The following CFAP206 variants were observed in gnomAD, a reference collection of about 807,000 sequenced individuals.
CFAP206 encodes the protein cilia and flagella associated protein 206, also known as cilia- and flagella-associated protein 206.
A neutral mutation model predicts 65.4 loss-of-function variants in CFAP206; 53 were observed. The observed-to-expected ratio is 0.81, with a 90% CI of 0.65 to 1.02. The LOEUF (loss-of-function observed/expected upper bound fraction) is 1.02. CFAP206 is among the 50% of genes least tolerant of loss of function. The probability of loss-of-function intolerance (pLI) is 0.00; values close to 1 mark genes in which losing one functional copy is unlikely to be tolerated. For missense variants in CFAP206, 663 were observed against 753.2 expected (o/e 0.88, Z 1.40); for synonymous variants, 250 against 254.4 (o/e 0.98, Z 0.17).
At chr6:87,408,155 G>A (rs1189056385) in intron 1 of CFAP206, 66 bp downstream of exon 1, 11 of 859,906 alleles carry the variant, frequency 1.3e-5, no homozygotes, top group Non-Finnish European at 1.5e-5. Flanking sequence ...CGAGCTTGGG[G>A]CGGCTGGCGG....
At chr6:87,440,645 T>A (rs987657330) in intron 11 of CFAP206, among the ~76,000 whole-genome samples, 1 of 152,192 alleles carries the variant, frequency 6.6e-6, no homozygotes, top group Non-Finnish European at 1.5e-5. Flanking sequence ...TTTTAATTGC[T>A]AATGCAGAAA....
Position 87,426,527 on chromosome 6 carries a change from C to CG in CFAP206, c.842_843insG (p.Asp282ArgfsTer64). Reference sequence around the variant, plus strand: ...ATGCAAATTATGTTGTTTTCACAGTCAGATATAATTACTGGTGCTCAAGAA... The same window carrying CG: ...ATGCAAATTATGTTGTTTTCACAGTCGAGATATAATTACTGGTGCTCAAGAA... On this transcript the variant is annotated frameshift_variant and splice_region_variant, in exon 8 of 13. Coordinates refer to ENST00000369562, the MANE Select transcript of CFAP206 (RefSeq NM_001031743.3). LOFTEE classifies it high-confidence loss of function. 6.4e-7 allele frequency: 1 copy of CG among 1,567,606 alleles called. No homozygotes were observed.
chr6:87,437,370 T>G (rs992516958), intron 11 of CFAP206, among the ~76,000 whole-genome samples: 1 of 138,536 alleles, frequency 7.2e-6, no homozygotes, highest in Non-Finnish European at 1.6e-5. Context: ...ATTTATAACT[T>G]TTGCCGTTTT....
chr6:87,410,786 T>A, intron 3 of CFAP206, 118 bp downstream of exon 3: 1 of 762,040 alleles, frequency 1.3e-6, no homozygotes, highest in Non-Finnish European at 2.2e-6. Context: ...AATAGTAGTA[T>A]ACACGAGATA....
intron 3 of CFAP206, among the ~76,000 whole-genome samples, chr6:87,412,105 G>T (rs1358088021): frequency 6.6e-6 from 1 of 152,148 alleles, no homozygotes; most frequent in East Asian, 1.9e-4. Context: ...ACTCAACTAA[G>T]TTGGAAAGAA....
intron 11 of CFAP206, among the ~76,000 whole-genome samples, chr6:87,450,475 A>ATGTGTGTGTG (rs55870560): frequency 0.022 from 2,916 of 130,318 alleles, 47 homozygotes; most frequent in African/African-American, 0.039. Context: ...ATAAATGAAA[A>ATGTGTGTGTG]TGTGTGTGTG....
chr6:87,422,586 C>A (rs1767960389), intron 7 of CFAP206, among the ~76,000 whole-genome samples: 1 of 151,382 alleles, frequency 6.6e-6, no homozygotes, highest in African/African-American at 2.4e-5. Flanking sequence ...CCCGTCTCTA[C>A]TAAAAATACA....
At chr6:87,439,875 AT>A (rs200548429) in intron 11 of CFAP206, among the ~76,000 whole-genome samples, 2 of 152,118 alleles carry the variant, frequency 1.3e-5, no homozygotes, top group African/African-American at 4.8e-5. Flanking sequence ...CAGTTATTCA[AT>A]TTTAAAAAAA....
chr6:87,415,575 C>A, intron 4 of CFAP206, 111 bp from the exon 5 acceptor site: 1 of 966,648 alleles, frequency 1.0e-6, no homozygotes, highest in Non-Finnish European at 1.6e-6. Flanking sequence ...TAAGAAATTA[C>A]TTGTTTTCCT....
In CFAP206 at chr6:87,415,803, T is replaced by G; in HGVS notation, c.401T>G (p.Ile134Ser). 6.2e-7 allele frequency: 1 copy of G among 1,613,472 alleles called. No individual in the cohort carries two copies. The change falls in exon 5 of 13, where the codon ATT (isoleucine) becomes AGT (serine). Residue 134 changes from isoleucine to serine, a missense_variant. Ile to Ser is a moderately radical substitution (Grantham distance 142). Transcript: ENST00000369562. ...KEELESLYRK[I>S]ISYVLLRSGL... ...GAATTGGAAAGCCTCTACCGGAAGA[T>G]TATCAGCTATGTGTTACTCCGCTCT...
intron 11 of CFAP206, among the ~76,000 whole-genome samples, chr6:87,444,138 GAATATTTTTAAGGTTTAAA>G (rs1395192213): frequency 6.6e-6 from 1 of 151,996 alleles, no homozygotes; most frequent in Non-Finnish European, 1.5e-5. Context: ...AATTTGTTTT[GAATATTTTTAAGGTTTAAA>G]AAGTGTTTAA....
rs768796334 is a variant in CFAP206, at chr6:87,409,868, T to G, written c.29T>G (p.Ile10Arg). The G allele has an allele frequency of 6.2e-7, 1 of 1,613,108 alleles. No individual in the cohort carries two copies. The highest frequency in any genetic ancestry group is 1.3e-5 in the African/African-American group (1 of 74,896). MPPTQAESV[I>R]RSIIREIGQE... ...CCTCCAACTCAGGCCGAAAGTGTTA[T>G]AAGGAGTATTATACGAGAAATAGGA... The change falls in exon 2 of 13, where the codon ATA becomes AGA. Residue 10 changes from isoleucine (I) to arginine (R), a missense_variant. Physicochemically the swap from Ile to Arg is moderately conservative, Grantham distance 97. Coordinates refer to ENST00000369562, the MANE Select transcript of CFAP206 (RefSeq NM_001031743.3).
chr6:87,458,125 C>A (rs143599890), intron 11 of CFAP206, among the ~76,000 whole-genome samples: 1,570 of 152,242 alleles, frequency 0.01, 31 homozygotes, highest in African/African-American at 0.036. Flanking sequence ...AATGAGATAT[C>A]ATCCCACCCC....
intron 11 of CFAP206, chr6:87,441,887 T>C: frequency 3.3e-6 from 1 of 304,686 alleles, no homozygotes; most frequent in South Asian, 3.6e-5. Flanking sequence ...AACCAGTGCT[T>C]TCAGCAAAAG....
At chr6:87,435,990 T>G (rs960099890) in intron 11 of CFAP206, 1 of 151,992 alleles carries the variant, frequency 6.6e-6, no homozygotes, top group Non-Finnish European at 1.5e-5. Context: ...TAAGTGGTCT[T>G]TCTTTCTCTC....
chr6:87,415,613 T>C (rs770583300), intron 4 of CFAP206, 73 bp from the exon 5 acceptor site: 1 of 1,370,284 alleles, frequency 7.3e-7, no homozygotes. Flanking sequence ...TCCAATCCAG[T>C]TTTTCTCTAG....
At chr6:87,408,132 C>T (rs1767657802) in intron 1 of CFAP206, 43 bp downstream of exon 1, 1 of 953,332 alleles carries the variant, frequency 1.0e-6, no homozygotes, top group African/African-American at 1.8e-5. Flanking sequence ...CGGAGGCGTA[C>T]CCCGCCAGGC....
chr6:87,418,091 T>G, intron 6 of CFAP206, 117 bp from the exon 7 acceptor site: 1 of 889,140 alleles, frequency 1.1e-6, no homozygotes, highest in Non-Finnish European at 1.7e-6. Flanking sequence ...TTATTACTAA[T>G]TTGATTGGGG....
In CFAP206 at chr6:87,464,313, AT is replaced by A; in HGVS notation, c.*64del. On this transcript the variant is annotated 3_prime_UTR_variant, in exon 13 of 13. Transcript: ENST00000369562. Reference sequence around the variant, plus strand: ...TGAACAATAGCAAGTACTTAAAGGTATATTAACATCTATACAAATTAATTTT... The same window carrying A: ...TGAACAATAGCAAGTACTTAAAGGTAATTAACATCTATACAAATTAATTTT... 1 of 1,302,656 alleles carries A rather than the reference AT, an allele frequency of 7.7e-7. No homozygotes were observed. Among genetic ancestry groups the A allele is most frequent in the Admixed American group, 2.1e-5 (1 of 47,234 alleles). The allele number at this position is 1,302,656 out of a possible 1,614,324, so 80.7% of individuals were successfully genotyped here.
Sources: gnomAD v4.1 joint callset for allele counts (sites outside exome capture counted in the v4.1 genomes callset) on GRCh38, gnomAD v4.1.1 for gene constraint, MANE v1.5 for transcripts, NCBI Gene and HGNC (gene_info 2026-07-23, HGNC 2026-07-21) for gene names.